Variants in MGAT1 observed in about 807,000 individuals in gnomAD.
The protein encoded by MGAT1 is alpha-1,3-mannosyl-glycoprotein 2-beta-N-acetylglucosaminyltransferase.
A neutral mutation model predicts 31.7 loss-of-function variants in MGAT1; 14 were observed. The observed-to-expected ratio is 0.44, with a 90% CI of 0.29 to 0.69. The LOEUF (loss-of-function observed/expected upper bound fraction) is 0.69. MGAT1 is among the 30% of genes least tolerant of loss of function. The pLI, the probability that MGAT1 is intolerant of heterozygous loss-of-function variation, is 0.12. For synonymous variants in MGAT1, 338 were observed against 276.0 expected (o/e 1.22, Z -2.23); for missense variants, 557 against 626.0 (o/e 0.89, Z 1.18).
intron 1 of MGAT1, among the ~76,000 whole-genome samples, chr5:180,797,305 G>GAC (rs1462312626): frequency 6.6e-6 from 1 of 150,478 alleles, no homozygotes; most frequent in Admixed American, 6.7e-5. Flanking sequence ...AGAAGGCTGA[G>GAC]ACAGGAGAAT....
Position 180,791,816 on chromosome 5 carries a change from C to T in MGAT1, c.1156G>A (p.Val386Met), listed in dbSNP as rs991372878. 3.7e-6 allele frequency: 6 copies of T among 1,614,228 alleles called. No homozygotes were observed. Among genetic ancestry groups the T allele is most frequent in the Non-Finnish European group, 5.1e-6 (6 of 1,180,026 alleles). Residue 386 changes from valine to methionine, a missense_variant, in exon 2 of 2, where the codon GTG becomes ATG. By Grantham distance (21) the Val-to-Met change is conservative. Coordinates refer to ENST00000307826, the MANE Select transcript of MGAT1 (RefSeq NM_002406.4). ...NDRKELGEVR[V>M]QYTGRDSFKA... ...AAGCTGTCCCTGCCCGTATACTGCA[C>T]CCGCACCTCCCCCAGCTCCTTCCGG...
chr5:180,806,588 G>A (rs1233090041), upstream of MGAT1, among the ~76,000 whole-genome samples: 1 of 152,194 alleles, frequency 6.6e-6, no homozygotes, highest in East Asian at 1.9e-4. Flanking sequence ...GTCAGATGCT[G>A]TGGAAACAGC....
chr5:180,793,020 C>T lies in MGAT1; in HGVS notation c.-49G>A. 1 of 1,603,396 alleles carries T rather than the reference C, an allele frequency of 6.2e-7. No individual in the cohort carries two copies. Among genetic ancestry groups the T allele is most frequent in the Admixed American group, 1.7e-5 (1 of 58,924 alleles). On this transcript the variant is annotated 5_prime_UTR_variant, in exon 2 of 2. Transcript: ENST00000307826. Reference sequence around the variant, plus strand: ...GGCCAGGGGACGGTTCAAGGCTGCCCTGGGCTTGCCCGGCTCCCTTGCCCG... The same window carrying T: ...GGCCAGGGGACGGTTCAAGGCTGCCTTGGGCTTGCCCGGCTCCCTTGCCCG...
intron 1 of MGAT1, chr5:180,795,802 G>A (rs1263683014): frequency 1.3e-5 from 2 of 152,190 alleles, no homozygotes; most frequent in African/African-American, 4.8e-5. Context: ...GGCAAATTGA[G>A]ATGATCTGTT....
chr5:180,807,300 G>A (rs1771998236), upstream of MGAT1, among the ~76,000 whole-genome samples: 1 of 152,146 alleles, frequency 6.6e-6, no homozygotes, highest in Admixed American at 6.5e-5. Flanking sequence ...ATACCCTACT[G>A]TCTCTCAAAA....
At chr5:180,793,158 G>T in intron 1 of MGAT1, 61 bp from the exon 2 acceptor site, 1 of 709,850 alleles carries the variant, frequency 1.4e-6, no homozygotes, top group Non-Finnish European at 2.3e-6. Context: ...ATGCCCCACA[G>T]GTAGAGGAAA....
chr5:180,793,712 A>G (rs940403387), intron 1 of MGAT1, among the ~76,000 whole-genome samples: 1 of 152,252 alleles, frequency 6.6e-6, no homozygotes, highest in Non-Finnish European at 1.5e-5. Context: ...TAATGAACTG[A>G]GCAAGGAAGT....
Position 180,786,509 on chromosome 5 carries a change from T to G in MGAT1, c.*5125A>C, listed in dbSNP as rs893996392. 6.6e-6 allele frequency: 1 copy of G among 152,266 alleles called. No homozygotes were observed. The highest frequency in any genetic ancestry group is 1.5e-5 in the Non-Finnish European group (1 of 68,090). 9.4% of individuals were successfully genotyped at this position (152,266 alleles called of 1,614,324 possible). A position where few individuals can be genotyped will look rare whatever the true frequency, so the allele number is the denominator to read the frequency against. On this transcript the variant is annotated 3_prime_UTR_variant, in exon 2 of 2. Transcript: ENST00000307826. ...TAATTTGATTCAGCTTCAGAAATAC[T>G]TTTTCCAGCCTCTTTTGCTGACAGG...
intron 1 of MGAT1, among the ~76,000 whole-genome samples, chr5:180,813,315 G>A (rs1212197090): frequency 6.6e-6 from 1 of 152,176 alleles, no homozygotes; most frequent in Admixed American, 6.5e-5. Context: ...TGCTAGTAAT[G>A]TTGAACCTGT....
chr5:180,811,194 C>T (rs911304268), intron 1 of MGAT1: 1 of 152,214 alleles, frequency 6.6e-6, no homozygotes, highest in African/African-American at 2.4e-5. Flanking sequence ...GGTTCGAAAA[C>T]CGGAATCTAG....
At chr5:180,813,407 ACT>A (rs1772690300) in intron 1 of MGAT1, among the ~76,000 whole-genome samples, 1 of 152,070 alleles carries the variant, frequency 6.6e-6, no homozygotes, top group East Asian at 1.9e-4. Context: ...ATTTGCAAGA[ACT>A]CTTTATAGAA....
intron 1 of MGAT1, among the ~76,000 whole-genome samples, chr5:180,797,764 T>G (rs998613339): frequency 6.6e-6 from 1 of 152,224 alleles, no homozygotes; most frequent in African/African-American, 2.4e-5. Context: ...GCCCTTGTTC[T>G]CCACCCCACA....
intron 1 of MGAT1, among the ~76,000 whole-genome samples, chr5:180,794,799 T>C (rs1375168835): frequency 6.6e-6 from 1 of 151,992 alleles, no homozygotes; most frequent in Admixed American, 6.6e-5. Flanking sequence ...GATAACAGGC[T>C]GTTATAACCA....
Position 180,786,143 on chromosome 5 carries a change from A to C in MGAT1, c.*5491T>G, listed in dbSNP as rs1767553686. 6.6e-6 allele frequency: 1 copy of C among 152,304 alleles called. No homozygotes were observed. Among genetic ancestry groups the C allele is most frequent in the Non-Finnish European group, 1.5e-5 (1 of 68,070 alleles). 9.4% of individuals were successfully genotyped at this position (152,304 alleles called of 1,614,324 possible). A position where few individuals can be genotyped will look rare whatever the true frequency, so the allele number is the denominator to read the frequency against. On this transcript the variant is annotated 3_prime_UTR_variant, in exon 2 of 2. Transcript: ENST00000307826. Reference sequence around the variant, plus strand: ...GCGGAACAACAAAAGTGAAGACAAAAAAGAAAACTGCATCACTGGCATGTG... The same window carrying C: ...GCGGAACAACAAAAGTGAAGACAAACAAGAAAACTGCATCACTGGCATGTG...
chr5:180,794,661 T>C (rs1342468423), intron 1 of MGAT1, among the ~76,000 whole-genome samples: 1 of 151,500 alleles, frequency 6.6e-6, no homozygotes, highest in Non-Finnish European at 1.5e-5. Flanking sequence ...CTGAAACACA[T>C]GTTGGGATTT....
Position 180,791,559 on chromosome 5 carries a change from G to A in MGAT1, c.*75C>T, listed in dbSNP as rs1432603241. The A allele has an allele frequency of 2.2e-5, 34 of 1,524,288 alleles. No homozygotes were observed. The highest frequency in any genetic ancestry group is 2.7e-5 in the Non-Finnish European group (31 of 1,129,244). 94.4% of individuals were successfully genotyped at this position (1,524,288 alleles called of 1,614,324 possible). On this transcript the variant is annotated 3_prime_UTR_variant, in exon 2 of 2. Coordinates refer to ENST00000307826, the MANE Select transcript of MGAT1 (RefSeq NM_002406.4). Reference sequence around the variant, plus strand: ...CCTAAGAGGGAAACACAGGCAGGCCGATGCAGCCTGGGGACTGTGGTCCCA... The same window carrying A: ...CCTAAGAGGGAAACACAGGCAGGCCAATGCAGCCTGGGGACTGTGGTCCCA...
In MGAT1 at chr5:180,792,366, G is replaced by A. The variant is rs767975027; in HGVS notation, c.606C>T (p.Phe202=). 1.9e-6 allele frequency: 3 copies of A among 1,611,144 alleles called. No homozygotes were observed. The highest frequency in any genetic ancestry group is 1.7e-6 in the Non-Finnish European group (2 of 1,178,250). Residue 202 remains phenylalanine, a synonymous_variant, in exon 2 of 2, where the codon TTC becomes TTT. Transcript: ENST00000307826. ...CATCCTCCACCACCACGGCCGCGGG[G>A]AAGCGAAACTGCCGGAAGACCTGGC... ...ALGQVFRQFR[F]PAAVVVEDDL...
At chr5:180,809,830 A>ACACT (rs1175995631) in intron 1 of MGAT1, 1 of 144,016 alleles carries the variant, frequency 6.9e-6, no homozygotes, top group African/African-American at 2.7e-5. Context: ...CCATCCACAC[A>ACACT]CACTCTCTCT....
intron 1 of MGAT1, among the ~76,000 whole-genome samples, chr5:180,813,048 CT>C (rs1439386106): frequency 6.6e-6 from 1 of 150,578 alleles, no homozygotes; most frequent in African/African-American, 2.4e-5. Context: ...CAACTTTTCA[CT>C]TTTGCAAAAT....
Sources: allele counts gnomAD v4.1 joint callset (sites outside exome capture counted in the v4.1 genomes callset), GRCh38; gene constraint gnomAD v4.1.1; transcripts MANE v1.5; gene names NCBI Gene and HGNC (gene_info 2026-07-23, HGNC 2026-07-21).